DOCK1: variants seen among roughly 807,000 people sequenced by gnomAD.
DOCK1 encodes the protein dedicator of cytokinesis protein 1.
DOCK1 carries 138 observed loss-of-function variants against 262.7 expected under a neutral mutation model. That is an observed-to-expected ratio of 0.53 (90% confidence interval 0.46 to 0.61). The LOEUF (loss-of-function observed/expected upper bound fraction) is 0.61, where lower values mean the gene tolerates loss of function less well. Ranked by LOEUF, DOCK1 falls within the 20% of genes least tolerant of loss-of-function variation. The probability of loss-of-function intolerance (pLI) is 0.00; values close to 1 mark genes in which losing one functional copy is unlikely to be tolerated. For synonymous variants in DOCK1, 866 were observed against 867.4 expected, an observed-to-expected ratio of 1.00 and a Z score of 0.03; for missense variants, 1,908 against 2,370.7, an observed-to-expected ratio of 0.80 and a Z score of 4.05.
At chr10:127,251,330 T>C (rs2059632478) in intron 28 of DOCK1, among the ~76,000 whole-genome samples, 1 of 152,106 alleles carries the variant, frequency 6.6e-6, no homozygotes, top group Admixed American at 6.5e-5. Context: ...TTATTTGATG[T>C]TATTTCGTAT....
intron 35 of DOCK1, among the ~76,000 whole-genome samples, chr10:127,378,227 T>G (rs2065624298): frequency 1.3e-5 from 2 of 152,074 alleles, no homozygotes; most frequent in African/African-American, 2.4e-5. Context: ...AAATGCAGAG[T>G]GGGGTCCAGT....
At chr10:127,260,812 T>TG in intron 29 of DOCK1, among the ~76,000 whole-genome samples, 1 of 136,830 alleles carries the variant, frequency 7.3e-6, no homozygotes, top group African/African-American at 2.8e-5. Context: ...CATCTGTGTG[T>TG]CCCTGCATGT....
intron 25 of DOCK1, among the ~76,000 whole-genome samples, chr10:127,115,944 G>C (rs1483801669): frequency 6.6e-6 from 1 of 152,152 alleles, no homozygotes; most frequent in Non-Finnish European, 1.5e-5. Context: ...GTTTTCTTTG[G>C]AGCTTACTGT....
chr10:127,405,849 C>T (rs961282665), intron 40 of DOCK1, among the ~76,000 whole-genome samples: 5 of 152,156 alleles, frequency 3.3e-5, no homozygotes, highest in Non-Finnish European at 5.9e-5. Context: ...TTGCCTTCAT[C>T]GTGCAGCAAA....
chr10:127,099,092 C>G (rs776012188), intron 23 of DOCK1, among the ~76,000 whole-genome samples: 2 of 152,200 alleles, frequency 1.3e-5, no homozygotes, highest in African/African-American at 2.4e-5. Context: ...TTGTCCTTGT[C>G]TGGCTAATCA....
chr10:127,188,083 G>A (rs555695206), intron 27 of DOCK1, among the ~76,000 whole-genome samples: 1 of 152,328 alleles, frequency 6.6e-6, no homozygotes, highest in African/African-American at 2.4e-5. Flanking sequence ...GGGGGAGCAG[G>A]GAGGTTGAGC....
intron 29 of DOCK1, among the ~76,000 whole-genome samples, chr10:127,290,733 C>T (rs557133290): frequency 1.3e-3 from 197 of 152,312 alleles, no homozygotes; most frequent in African/African-American, 4.5e-3. Context: ...CCCTTGAGGT[C>T]CATCCAGGTT....
chr10:127,415,181 A>G lies in DOCK1; in HGVS notation c.4458A>G (p.Thr1486=), dbSNP rs781291908. 3.7e-5 allele frequency: 59 copies of G among 1,613,762 alleles called. No homozygotes were observed. The South Asian group carries it at 6.3e-4, about 17-fold the overall frequency. ...ANMWIERTIY[T]TAYKLPGILR... Reference sequence around the variant, plus strand: ...TGTGGATCGAGAGAACCATATATACAACTGCATATAAATTACCTGGAATTT... The same window carrying G: ...TGTGGATCGAGAGAACCATATATACGACTGCATATAAATTACCTGGAATTT... Residue 1486 remains threonine (T), a synonymous_variant, in exon 44 of 52, where the codon ACA becomes ACG. Transcript: ENST00000623213.
chr10:127,222,915 G>T (rs1027023452), intron 27 of DOCK1, among the ~76,000 whole-genome samples: 1 of 152,082 alleles, frequency 6.6e-6, no homozygotes, highest in Non-Finnish European at 1.5e-5. Context: ...GGGCTCAAGC[G>T]CTCCTTCTGC....
At chr10:127,010,423 C>A (rs113152317) in intron 11 of DOCK1, among the ~76,000 whole-genome samples, 1 of 152,176 alleles carries the variant, frequency 6.6e-6, no homozygotes, top group East Asian at 1.9e-4. Flanking sequence ...GCCAAGATCA[C>A]GCCACTGCAC....
intron 22 of DOCK1, among the ~76,000 whole-genome samples, chr10:127,054,072 T>A (rs1158231638): frequency 2.0e-5 from 3 of 152,220 alleles, no homozygotes; most frequent in Non-Finnish European, 4.4e-5. Context: ...TTAACGAGAA[T>A]AAGGAATTGA....
chr10:126,917,043 C>T (rs1000811308), intron 1 of DOCK1, among the ~76,000 whole-genome samples: 22 of 147,002 alleles, frequency 1.5e-4, no homozygotes, highest in African/African-American at 4.6e-4. Context: ...GGGAGCTGTG[C>T]GAGGCCAGCG....
chr10:126,968,822 G>A (rs2037873012), intron 1 of DOCK1, among the ~76,000 whole-genome samples: 1 of 152,134 alleles, frequency 6.6e-6, no homozygotes, highest in African/African-American at 2.4e-5. Context: ...GTTATTTCTT[G>A]TTAAAGATTC....
chr10:127,451,737 C>A lies in DOCK1; in HGVS notation c.*310C>A. The stretch of plus-strand genomic sequence containing the variant: ...GCCCAAACATTCTTTCTTTTTGTGC[C>A]AAATGACTTGCATTTGCAAAGAGCT... On this transcript the variant is annotated 3_prime_UTR_variant, in exon 52 of 52. Coordinates refer to ENST00000623213, the MANE Select transcript of DOCK1 (RefSeq NM_001290223.2). 2.4e-6 allele frequency: 1 copy of A among 408,284 alleles called. No individual in the cohort carries two copies. Among genetic ancestry groups the A allele is most frequent in the Non-Finnish European group, 4.3e-6 (1 of 234,044 alleles). The allele number at this position is 408,284 out of a possible 1,614,324, so 25.3% of individuals were successfully genotyped here.
intron 46 of DOCK1, among the ~76,000 whole-genome samples, chr10:127,420,154 T>C (rs761673068): frequency 6.6e-6 from 1 of 152,204 alleles, no homozygotes; most frequent in Non-Finnish European, 1.5e-5. Flanking sequence ...GAAGCTGCAG[T>C]GCACCCTCTC....
intron 27 of DOCK1, among the ~76,000 whole-genome samples, chr10:127,143,085 TTG>T (rs1402349881): frequency 6.6e-6 from 1 of 152,176 alleles, no homozygotes; most frequent in Non-Finnish European, 1.5e-5. Flanking sequence ...TATTCTCTGT[TTG>T]TCTCATGCTC....
intron 42 of DOCK1, among the ~76,000 whole-genome samples, chr10:127,410,134 C>G (rs1478649953): frequency 6.6e-6 from 1 of 152,090 alleles, no homozygotes; most frequent in Non-Finnish European, 1.5e-5. Context: ...GTTTCTTTAA[C>G]CTTTCATCGT....
chr10:127,070,362 T>C (rs998928127), intron 23 of DOCK1, among the ~76,000 whole-genome samples: 118 of 149,894 alleles, frequency 7.9e-4, no homozygotes, highest in Non-Finnish European at 8.6e-4. Flanking sequence ...CAAACGATTC[T>C]CCTGCCTCAG....
chr10:127,320,325 C>T (rs941034632), intron 29 of DOCK1, among the ~76,000 whole-genome samples: 10 of 152,184 alleles, frequency 6.6e-5, no homozygotes, highest in African/African-American at 2.2e-4. Context: ...TTTCCAGTGG[C>T]TGGCTGGGTA....
Sources: allele counts gnomAD v4.1 joint callset (sites outside exome capture counted in the v4.1 genomes callset), GRCh38; gene constraint gnomAD v4.1.1; transcripts MANE v1.5; gene names NCBI Gene and HGNC (gene_info 2026-07-23, HGNC 2026-07-21).